Variants in LRMDA observed in about 807,000 individuals in gnomAD.
LRMDA encodes leucine rich melanocyte differentiation associated.
A neutral mutation model predicts 29.8 loss-of-function variants in LRMDA; 18 were observed. The observed-to-expected ratio is 0.60, with a 90% CI of 0.42 to 0.90. LRMDA has a LOEUF of 0.90. Ranked by LOEUF, LRMDA falls within the 40% of genes least tolerant of loss-of-function variation. The pLI, the probability that LRMDA is intolerant of heterozygous loss-of-function variation, is 0.00. For missense variants in LRMDA, 273 were observed against 273.9 expected (o/e 1.00, Z 0.02); for synonymous variants, 125 against 109.4 (o/e 1.14, Z -0.89).
At chr10:76,305,500 A>G (rs1840543299) in intron 5 of LRMDA, among the ~76,000 whole-genome samples, 1 of 152,192 alleles carries the variant, frequency 6.6e-6, no homozygotes, top group Non-Finnish European at 1.5e-5. Context: ...CACCCAGGGT[A>G]GGTTCATGCA....
At chr10:75,671,591 A>G (rs1841891841) in intron 2 of LRMDA, among the ~76,000 whole-genome samples, 1 of 152,150 alleles carries the variant, frequency 6.6e-6, no homozygotes, top group African/African-American at 2.4e-5. Context: ...CACAATGAGA[A>G]CATATGGGCA....
rs577392088 is a variant in LRMDA at position 76,382,418 on chromosome 10, G to A, written c.601+57933G>A. Among the ~76,000 whole-genome samples the A allele has an allele frequency of 2.6e-5, 4 of 152,264 alleles. No homozygotes were observed. The East Asian group carries it at 7.7e-4, about 29-fold the overall frequency. On this transcript the variant is annotated intron_variant, in intron 6 of 6. Transcript: ENST00000611255. ...ACAATCACTTGGTGGCCATCGTATT[G>A]CAAAAGAAGCAGAGCACAGACATGC...
At chr10:75,794,454 G>T (rs936153986) in intron 2 of LRMDA, among the ~76,000 whole-genome samples, 2 of 152,004 alleles carry the variant, frequency 1.3e-5, no homozygotes, top group Admixed American at 6.5e-5. Context: ...ATAGCTAGGA[G>T]TATAACTGCC....
intron 6 of LRMDA, among the ~76,000 whole-genome samples, chr10:76,425,573 A>G (rs1439564039): frequency 1.3e-5 from 2 of 151,152 alleles, no homozygotes; most frequent in Admixed American, 6.6e-5. Context: ...ACTAATAATA[A>G]TTATTATTTT....
At chr10:76,416,789 G>C (rs2132515268) in intron 6 of LRMDA, among the ~76,000 whole-genome samples, 1 of 152,268 alleles carries the variant, frequency 6.6e-6, no homozygotes, top group South Asian at 2.1e-4. Context: ...CATCTCCCCA[G>C]TGCTCACACA....
chr10:75,578,215 C>CAAAAAAAAGAAAAAAAAAAAA (rs1840533681), intron 2 of LRMDA, among the ~76,000 whole-genome samples: 1 of 14,226 alleles, frequency 7.0e-5, no homozygotes, highest in Non-Finnish European at 1.7e-4. Flanking sequence ...AAATGGAAAG[C>CAAAAAAAAGAAAAAAAAAAAA]AAAAAAAAAA....
At chr10:76,180,571 A>G (rs1395681262) in intron 5 of LRMDA, among the ~76,000 whole-genome samples, 2 of 151,966 alleles carry the variant, frequency 1.3e-5, no homozygotes, top group Non-Finnish European at 2.9e-5. Context: ...GAGCCACTGC[A>G]CCTGGCCTGG....
intron 2 of LRMDA, among the ~76,000 whole-genome samples, chr10:75,914,419 T>C (rs1484358915): frequency 6.6e-6 from 1 of 152,250 alleles, no homozygotes; most frequent in African/African-American, 2.4e-5. Context: ...ATGATTTGCA[T>C]TGTAAGGATG....
chr10:76,295,109 G>T (rs1840395437), intron 5 of LRMDA, among the ~76,000 whole-genome samples: 1 of 152,184 alleles, frequency 6.6e-6, no homozygotes, highest in African/African-American at 2.4e-5. Flanking sequence ...GTGGGGATGA[G>T]GATGTAGCAT....
chr10:76,511,564 C>A (rs1165281332), intron 6 of LRMDA, among the ~76,000 whole-genome samples: 4 of 151,836 alleles, frequency 2.6e-5, no homozygotes, highest in African/African-American at 4.8e-5. Flanking sequence ...TGTGAAAAAT[C>A]AATTTTCTTT....
chr10:75,694,087 AAATT>A (rs1842203450), intron 2 of LRMDA, among the ~76,000 whole-genome samples: 1 of 152,256 alleles, frequency 6.6e-6, no homozygotes, highest in Non-Finnish European at 1.5e-5. Context: ...TGACAACAAA[AAATT>A]AACCAGAAAT....
intron 5 of LRMDA, among the ~76,000 whole-genome samples, chr10:76,127,553 GA>G (rs1407847232): frequency 7.5e-6 from 1 of 133,958 alleles, no homozygotes; most frequent in Non-Finnish European, 1.6e-5. Flanking sequence ...TAAAACCAAT[GA>G]AATGAAAGAG....
chr10:76,306,916 T>A (rs115535100), intron 5 of LRMDA, among the ~76,000 whole-genome samples: 1 of 152,174 alleles, frequency 6.6e-6, no homozygotes, highest in Admixed American at 6.5e-5. Context: ...TAATTAAATA[T>A]ACTGTATTAC....
intron 5 of LRMDA, among the ~76,000 whole-genome samples, chr10:76,085,693 T>C (rs74148659): frequency 6.6e-6 from 1 of 152,204 alleles, no homozygotes; most frequent in Non-Finnish European, 1.5e-5. Flanking sequence ...GATGTTGGTC[T>C]GCCTGGGACA....
intron 2 of LRMDA, among the ~76,000 whole-genome samples, chr10:75,654,727 A>T (rs1393557839): frequency 6.6e-6 from 1 of 152,244 alleles, no homozygotes; most frequent in East Asian, 1.9e-4. Context: ...AGTTTGACAG[A>T]ATTAGAAATC....
intron 2 of LRMDA, among the ~76,000 whole-genome samples, chr10:75,575,630 T>A (rs1268912640): frequency 1.3e-5 from 2 of 152,156 alleles, no homozygotes; most frequent in Non-Finnish European, 2.9e-5. Flanking sequence ...GCGAGATTGA[T>A]GCAGAAGGCG....
chr10:75,524,442 G>A (rs961563214), intron 2 of LRMDA, among the ~76,000 whole-genome samples: 2 of 152,148 alleles, frequency 1.3e-5, no homozygotes, highest in Non-Finnish European at 2.9e-5. Context: ...GGGTCTTGGT[G>A]ATGATTTAGG....
chr10:75,984,639 G>T (rs1040987588), intron 2 of LRMDA, among the ~76,000 whole-genome samples: 7 of 152,234 alleles, frequency 4.6e-5, no homozygotes. Context: ...TAAGATCAGC[G>T]CATGTCACAG....
At chr10:75,972,289 T>A (rs1465139674) in intron 2 of LRMDA, among the ~76,000 whole-genome samples, 4 of 151,850 alleles carry the variant, frequency 2.6e-5, no homozygotes, top group South Asian at 2.1e-4. Context: ...TTTTTTTTTT[T>A]AATGAATATT....
Sources: gnomAD v4.1 joint callset for allele counts (sites outside exome capture counted in the v4.1 genomes callset) on GRCh38, gnomAD v4.1.1 for gene constraint, MANE v1.5 for transcripts, NCBI Gene and HGNC (gene_info 2026-07-23, HGNC 2026-07-21) for gene names.